Variants in SCCPDH observed in about 807,000 individuals in gnomAD.
The protein encoded by SCCPDH is saccharopine dehydrogenase (putative).
SCCPDH carries 34 observed loss-of-function variants against 51.5 expected under a neutral mutation model. That is an observed-to-expected ratio of 0.66 (90% CI 0.50 to 0.88). SCCPDH has a LOEUF of 0.88. Ranked by LOEUF, SCCPDH falls within the 40% of genes least tolerant of loss-of-function variation. SCCPDH has a pLI of 0.00. For missense variants in SCCPDH, 464 were observed against 527.1 expected, an observed-to-expected ratio of 0.88 and a Z score of 1.17; for synonymous variants, 187 against 191.3, an observed-to-expected ratio of 0.98 and a Z score of 0.19.
At chr1:246,752,069 C>T (rs1236553221) in intron 5 of SCCPDH, among the ~76,000 whole-genome samples, 7 of 152,002 alleles carry the variant, frequency 4.6e-5, no homozygotes, top group East Asian at 1.9e-4. Flanking sequence ...CCTGAGCCAC[C>T]GCGCCCGGCT....
At position 246,758,592 on chromosome 1, in the gene SCCPDH, AC is replaced by A. The variant is rs1365174338; in HGVS notation, c.695+238del. 3.9e-5 allele frequency among the ~76,000 whole-genome samples: 6 copies of A among 152,346 alleles called. No individual in the cohort carries two copies. The East Asian group carries it at 1.2e-3, about 29-fold the overall frequency. On this transcript the variant is annotated intron_variant, in intron 6 of 11. Transcript: ENST00000366510. ...ATAAATAAGACATAATTAATCCATT[AC>A]CATAAGCTTAAGTACTTCGTGTGTA...
intron 2 of SCCPDH, among the ~76,000 whole-genome samples, chr1:246,728,599 TCTCTGAAGCAG>T (rs1668438048): frequency 6.6e-6 from 1 of 152,236 alleles, no homozygotes; most frequent in African/African-American, 2.4e-5. Context: ...TCTCTCCTGC[TCTCTGAAGCAG>T]CTCACAACCT....
In SCCPDH at chr1:246,731,697, A is replaced by C. The variant is rs141809081; in HGVS notation, c.304-4278A>C. On this transcript the variant is annotated intron_variant, in intron 2 of 11. Transcript: ENST00000366510. ...TGCTAAGAAATTTGGACTTTGTACT[A>C]TATACTGTAGGGATTTTTTTGTTTT... is the stretch of plus-strand genomic sequence containing the variant. Among the ~76,000 whole-genome samples, 682 of 152,020 alleles carry C rather than the reference A, an allele frequency of 4.5e-3. 6 individuals are homozygous for C. The highest frequency in any genetic ancestry group is 0.015 in the African/African-American group (638 of 41,320).
At chr1:246,730,195 C>T (rs545953823) in intron 2 of SCCPDH, among the ~76,000 whole-genome samples, 1 of 152,242 alleles carries the variant, frequency 6.6e-6, no homozygotes, top group African/African-American at 2.4e-5. Flanking sequence ...CTTTTGTTTT[C>T]CTCCCTCCTC....
intron 9 of SCCPDH, among the ~76,000 whole-genome samples, chr1:246,761,473 G>A (rs1166443007): frequency 6.6e-6 from 1 of 152,078 alleles, no homozygotes. Context: ...TCATCTTTTT[G>A]TGCAGCCATC....
At chr1:246,727,110 C>T (rs1168610864) in intron 2 of SCCPDH, 106 bp downstream of exon 2, 8 of 903,744 alleles carry the variant, frequency 8.9e-6, no homozygotes, top group Non-Finnish European at 8.7e-6. Context: ...GGTTGAAGGC[C>T]TTAACCCCAT....
intron 5 of SCCPDH, among the ~76,000 whole-genome samples, chr1:246,756,078 C>A (rs533277998): frequency 6.6e-6 from 1 of 152,146 alleles, no homozygotes; most frequent in African/African-American, 2.4e-5. Context: ...AAAAGTGATA[C>A]GTTTGTGTAC....
At chr1:246,726,010 G>A (rs558233275) in intron 1 of SCCPDH, among the ~76,000 whole-genome samples, 1 of 140,044 alleles carries the variant, frequency 7.1e-6, no homozygotes, top group South Asian at 2.3e-4. Context: ...GACTAGAGGC[G>A]CCCGCCACCA....
chr1:246,759,768 AAAAC>A (rs1668983677), intron 7 of SCCPDH, among the ~76,000 whole-genome samples, 185 bp from the exon 8 acceptor site: 2 of 152,258 alleles, frequency 1.3e-5, no homozygotes, highest in Admixed American at 6.5e-5. Context: ...CAGGTCTGAC[AAAAC>A]AAACAAAAAA....
intron 3 of SCCPDH, among the ~76,000 whole-genome samples, chr1:246,739,299 C>T (rs1450595731): frequency 6.6e-6 from 1 of 152,130 alleles, no homozygotes; most frequent in Non-Finnish European, 1.5e-5. Context: ...AAGAATAGCA[C>T]TTTACCCCTG....
chr1:246,741,743 C>T (rs1422187263), intron 4 of SCCPDH, among the ~76,000 whole-genome samples: 1 of 152,168 alleles, frequency 6.6e-6, no homozygotes, highest in Non-Finnish European at 1.5e-5. Context: ...ACTGATTTTA[C>T]ATTTTTAGGA....
chr1:246,740,878 C>G (rs1266083797), intron 4 of SCCPDH, among the ~76,000 whole-genome samples: 5 of 151,980 alleles, frequency 3.3e-5, no homozygotes, highest in Admixed American at 2.0e-4. Flanking sequence ...GCCAAGAGTT[C>G]AGGACCAGCC....
At chr1:246,751,808 C>G (rs952313787) in intron 5 of SCCPDH, among the ~76,000 whole-genome samples, 9 of 143,894 alleles carry the variant, frequency 6.3e-5, no homozygotes, top group African/African-American at 2.3e-4. Context: ...GAGTCTCGCT[C>G]TGTCGCCCAG....
intron 1 of SCCPDH, 71 bp downstream of exon 1, chr1:246,724,683 G>T: frequency 1.5e-6 from 2 of 1,342,658 alleles, no homozygotes; most frequent in Non-Finnish European, 1.9e-6. Context: ...CCAAACGAGC[G>T]TTTCTCCCGC....
intron 2 of SCCPDH, among the ~76,000 whole-genome samples, chr1:246,733,807 T>C (rs1668529683): frequency 6.6e-6 from 1 of 152,028 alleles, no homozygotes; most frequent in Non-Finnish European, 1.5e-5. Context: ...GAAGAGAAAA[T>C]AAAAGGAAAA....
intron 5 of SCCPDH, among the ~76,000 whole-genome samples, chr1:246,751,952 TG>T (rs547410624): frequency 0.049 from 6,821 of 139,538 alleles, 523 homozygotes; most frequent in African/African-American, 0.17. Context: ...TTTTTTTTTT[TG>T]TATTTTTTTA....
intron 9 of SCCPDH, among the ~76,000 whole-genome samples, chr1:246,761,329 C>T (rs1053261118): frequency 1.3e-5 from 2 of 152,220 alleles, no homozygotes; most frequent in Non-Finnish European, 2.9e-5. Context: ...CCTGCCTCAG[C>T]CTCCCAAAGT....
At chr1:246,753,003 TTC>T (rs1392611245) in intron 5 of SCCPDH, among the ~76,000 whole-genome samples, 1 of 151,832 alleles carries the variant, frequency 6.6e-6, no homozygotes, top group African/African-American at 2.4e-5. Context: ...CTCTGTCTCT[TTC>T]TCTCTCTTTG....
intron 2 of SCCPDH, among the ~76,000 whole-genome samples, chr1:246,734,569 C>T (rs1331952931): frequency 6.6e-6 from 1 of 152,112 alleles, no homozygotes; most frequent in East Asian, 1.9e-4. Context: ...CACACTTCTC[C>T]CAGTCCTGTA....
Sources: gnomAD v4.1 joint callset for allele counts (sites outside exome capture counted in the v4.1 genomes callset) on GRCh38, gnomAD v4.1.1 for gene constraint, MANE v1.5 for transcripts, NCBI Gene and HGNC (gene_info 2026-07-23, HGNC 2026-07-21) for gene names.